The following ADAM29 variants were observed in gnomAD, a reference collection of about 807,000 sequenced individuals.
ADAM29 encodes ADAM metallopeptidase domain 29.
For synonymous variants in ADAM29, 367 were observed against 342.3 expected, an observed-to-expected ratio of 1.07 and a Z score of -0.80; for missense variants, 969 against 1,001.8, an observed-to-expected ratio of 0.97 and a Z score of 0.44.
At chr4:174,959,433 T>C (rs181910494) in intron 4 of ADAM29, among the ~76,000 whole-genome samples, 13 of 150,740 alleles carry the variant, frequency 8.6e-5, no homozygotes, top group Non-Finnish European at 1.9e-4. Context: ...ATATTCCTAC[T>C]GTGGTTTGTG....
intron 2 of ADAM29, chr4:174,924,112 T>A (rs1743349920): frequency 6.6e-6 from 1 of 152,172 alleles, no homozygotes; most frequent in Non-Finnish European, 1.5e-5. Context: ...AAGAAATTAC[T>A]TTATTGTAAA....
At chr4:174,968,590 C>G (rs915271390) in intron 4 of ADAM29, among the ~76,000 whole-genome samples, 2 of 152,250 alleles carry the variant, frequency 1.3e-5, no homozygotes, top group South Asian at 4.1e-4. Context: ...CAATTATCTG[C>G]TTTTAACTTT....
intron 3 of ADAM29, among the ~76,000 whole-genome samples, chr4:174,934,970 T>C (rs1012541670): frequency 3.3e-5 from 5 of 152,108 alleles, no homozygotes; most frequent in Non-Finnish European, 5.9e-5. Context: ...CCTGAATGGA[T>C]AGAAAGAAAA....
chr4:174,933,877 T>C (rs1047695970), intron 3 of ADAM29, among the ~76,000 whole-genome samples: 5 of 152,192 alleles, frequency 3.3e-5, no homozygotes, highest in East Asian at 1.9e-4. Flanking sequence ...CAGTTTACCA[T>C]TGATGGCATT....
At chr4:174,946,434 G>A (rs1744855635) in intron 4 of ADAM29, among the ~76,000 whole-genome samples, 1 of 151,992 alleles carries the variant, frequency 6.6e-6, no homozygotes, top group African/African-American at 2.4e-5. Flanking sequence ...GAATTATATT[G>A]TCTGTAAAGT....
At chr4:174,930,928 G>A (rs1579013121) in intron 2 of ADAM29, 58 bp from the exon 3 acceptor site, 1 of 151,874 alleles carries the variant, frequency 6.6e-6, no homozygotes, top group East Asian at 1.9e-4. Flanking sequence ...CTGAATTTAA[G>A]CTTTATCTGT....
At chr4:174,941,181 T>C (rs1227770658) in intron 4 of ADAM29, among the ~76,000 whole-genome samples, 1 of 152,180 alleles carries the variant, frequency 6.6e-6, no homozygotes, top group Non-Finnish European at 1.5e-5. Context: ...GTCCACCTAA[T>C]AATTCTTGTT....
chr4:174,943,975 G>T (rs1235368647), intron 4 of ADAM29, among the ~76,000 whole-genome samples: 1 of 151,780 alleles, frequency 6.6e-6, no homozygotes, highest in Non-Finnish European at 1.5e-5. Flanking sequence ...AGAACACGAA[G>T]GTGCTTTTAC....
At position 174,975,461 on chromosome 4, in the gene ADAM29, T is replaced by A; in HGVS notation, c.-65T>A. On this transcript the variant is annotated 5_prime_UTR_variant, in exon 5 of 5. Coordinates refer to ENST00000359240, the MANE Select transcript of ADAM29 (RefSeq NM_014269.4). Reference sequence around the variant, plus strand: ...CACCTGTGACTCCAGCCCTGACTTCTGCTCTGGACCAGTGTTTCCATAACA... The same window carrying A: ...CACCTGTGACTCCAGCCCTGACTTCAGCTCTGGACCAGTGTTTCCATAACA... 1 of 1,455,048 alleles carries A rather than the reference T, an allele frequency of 6.9e-7. No individual in the cohort carries two copies. Among genetic ancestry groups the A allele is most frequent in the Non-Finnish European group, 9.1e-7 (1 of 1,097,400 alleles). 90.1% of individuals were successfully genotyped at this position (1,455,048 alleles called of 1,614,324 possible). A position where few individuals can be genotyped will look rare whatever the true frequency, so the allele number is the denominator to read the frequency against.
chr4:174,952,519 A>G (rs1209906301), intron 4 of ADAM29, among the ~76,000 whole-genome samples: 1 of 152,220 alleles, frequency 6.6e-6, no homozygotes, highest in Non-Finnish European at 1.5e-5. Context: ...TCCAGTTAAT[A>G]TATTTTTTAA....
intron 4 of ADAM29, among the ~76,000 whole-genome samples, chr4:174,963,315 C>T (rs941107155): frequency 2.6e-5 from 4 of 151,936 alleles, no homozygotes; most frequent in African/African-American, 4.8e-5. Context: ...CATAAACACA[C>T]GGTGTAATTT....
chr4:174,962,772 AT>A (rs1745916766), intron 4 of ADAM29, among the ~76,000 whole-genome samples: 1 of 152,028 alleles, frequency 6.6e-6, no homozygotes, highest in African/African-American at 2.4e-5. Flanking sequence ...AATGAAAAAA[AT>A]AAATTTGAAA....
intron 4 of ADAM29, among the ~76,000 whole-genome samples, chr4:174,967,864 T>C (rs1457012896): frequency 6.6e-6 from 1 of 152,196 alleles, no homozygotes; most frequent in Non-Finnish European, 1.5e-5. Context: ...AGTATAGATA[T>C]GGTTTCTCCA....
At chr4:174,946,755 C>T (rs1213312187) in intron 4 of ADAM29, among the ~76,000 whole-genome samples, 1 of 152,048 alleles carries the variant, frequency 6.6e-6, no homozygotes, top group East Asian at 1.9e-4. Flanking sequence ...AAGATGCTGG[C>T]CTCATAGAAT....
chr4:174,938,023 A>G (rs1285517640), intron 4 of ADAM29, among the ~76,000 whole-genome samples: 2 of 152,078 alleles, frequency 1.3e-5, no homozygotes, highest in African/African-American at 4.8e-5. Context: ...AGAGATGATG[A>G]AAGATTTTCA....
Position 174,961,040 on chromosome 4 carries a change from A to G in ADAM29, c.-180-14306A>G, listed in dbSNP as rs116748505. Among the ~76,000 whole-genome samples, 274 of 152,242 alleles carry G rather than the reference A, an allele frequency of 1.8e-3. 2 individuals carry two copies. The highest frequency in any genetic ancestry group is 6.2e-3 in the African/African-American group (256 of 41,538). Reference sequence around the variant, plus strand: ...TGTTCTGCCTTCTTGCTCCTCCCTTACAAAAACCAACCATTCTGGCATGGC... The same window carrying G: ...TGTTCTGCCTTCTTGCTCCTCCCTTGCAAAAACCAACCATTCTGGCATGGC... On this transcript the variant is annotated intron_variant, in intron 4 of 4. Transcript: ENST00000359240.
At position 174,936,759 on chromosome 4, in the gene ADAM29, C is replaced by A. The variant is rs542248939; in HGVS notation, c.-261-174C>A. 5.9e-5 allele frequency among the ~76,000 whole-genome samples: 9 copies of A among 151,758 alleles called. No homozygotes were observed. The East Asian group carries it at 7.8e-4, about 13-fold the overall frequency. The stretch of plus-strand genomic sequence containing the variant: ...CACCAAAAAGACATGGGCATGATAT[C>A]CTTATATATTTTTTTCAATTAAGCT... On this transcript the variant is annotated intron_variant, in intron 3 of 4. Transcript: ENST00000359240.
chr4:174,942,307 C>T (rs28869594), intron 4 of ADAM29, among the ~76,000 whole-genome samples: 2,135 of 152,290 alleles, frequency 0.014, 50 homozygotes, highest in African/African-American at 0.049. Context: ...TTTGTGGGGG[C>T]TCCAACCCCA....
chr4:174,932,927 C>A (rs551937055), intron 3 of ADAM29, among the ~76,000 whole-genome samples: 1 of 152,226 alleles, frequency 6.6e-6, no homozygotes, highest in Admixed American at 6.5e-5. Flanking sequence ...ACCTAAAAAT[C>A]TCCCCAAATC....
Sources: gnomAD v4.1 joint callset for allele counts (sites outside exome capture counted in the v4.1 genomes callset) on GRCh38, gnomAD v4.1.1 for gene constraint, MANE v1.5 for transcripts, NCBI Gene and HGNC (gene_info 2026-07-23, HGNC 2026-07-21) for gene names.